Variants in APBB2 observed in about 807,000 individuals in gnomAD.
APBB2 encodes the protein Fe65-like 1.
APBB2 carries 38 observed loss-of-function variants against 82.5 expected under a neutral mutation model. That is an observed-to-expected ratio of 0.46 (90% CI 0.36 to 0.60). The LOEUF is 0.60. Ranked by LOEUF, APBB2 falls within the 20% of genes least tolerant of loss-of-function variation. The probability of loss-of-function intolerance (pLI) is 0.00; values close to 1 mark genes in which losing one functional copy is unlikely to be tolerated. For missense variants in APBB2, 772 were observed against 972.3 expected, an observed-to-expected ratio of 0.79 and a Z score of 2.74; for synonymous variants, 341 against 368.2, an observed-to-expected ratio of 0.93 and a Z score of 0.85.
chr4:41,206,805 G>A (rs1181112371), intron 1 of APBB2, among the ~76,000 whole-genome samples: 1 of 152,174 alleles, frequency 6.6e-6, no homozygotes, highest in East Asian at 1.9e-4. Context: ...CTAGCAAATT[G>A]TGATACTCAA....
At chr4:41,116,370 G>A (rs1418245678) in intron 2 of APBB2, among the ~76,000 whole-genome samples, 3 of 152,244 alleles carry the variant, frequency 2.0e-5, no homozygotes, top group Non-Finnish European at 4.4e-5. Context: ...TGTATATGGC[G>A]GGTTGATGGG....
At chr4:41,112,061 G>A (rs1445099433) in intron 2 of APBB2, among the ~76,000 whole-genome samples, 1 of 152,192 alleles carries the variant, frequency 6.6e-6, no homozygotes, top group East Asian at 1.9e-4. Context: ...GGGATGGGCT[G>A]AGTTCCACAG....
At chr4:40,978,364 T>G (rs1339764224) in intron 6 of APBB2, among the ~76,000 whole-genome samples, 1 of 152,210 alleles carries the variant, frequency 6.6e-6, no homozygotes, top group Non-Finnish European at 1.5e-5. Flanking sequence ...AGATTTGTAT[T>G]TGGTAACAGT....
chr4:40,905,224 G>T (rs1480217881), intron 10 of APBB2, among the ~76,000 whole-genome samples: 1 of 151,970 alleles, frequency 6.6e-6, no homozygotes, highest in East Asian at 1.9e-4. Context: ...ACCCACTAAT[G>T]GCTGGTCCCT....
At chr4:41,174,504 C>G (rs1477788992) in intron 1 of APBB2, among the ~76,000 whole-genome samples, 1 of 152,122 alleles carries the variant, frequency 6.6e-6, no homozygotes, top group Non-Finnish European at 1.5e-5. Flanking sequence ...TACCTGAGCA[C>G]AAGACTACTC....
At chr4:40,827,289 A>G in intron 13 of APBB2, 70 bp from the exon 14 acceptor site, 1 of 1,391,078 alleles carries the variant, frequency 7.2e-7, no homozygotes, top group Non-Finnish European at 1.0e-6. Context: ...TCCAGCCTGT[A>G]AAGTGTCTAG....
chr4:40,855,672 G>T (rs1760957157), intron 12 of APBB2, among the ~76,000 whole-genome samples: 1 of 151,972 alleles, frequency 6.6e-6, no homozygotes, highest in South Asian at 2.1e-4. Flanking sequence ...GGAGGCAGAG[G>T]TTGCAGTGAG....
intron 6 of APBB2, among the ~76,000 whole-genome samples, chr4:40,992,717 C>T (rs1055555844): frequency 6.6e-6 from 1 of 152,124 alleles, no homozygotes; most frequent in African/African-American, 2.4e-5. Flanking sequence ...GTATCACGAG[C>T]AGAAGACCGA....
At chr4:40,962,819 G>T (rs1793648104) in intron 6 of APBB2, among the ~76,000 whole-genome samples, 1 of 152,132 alleles carries the variant, frequency 6.6e-6, no homozygotes, top group Non-Finnish European at 1.5e-5. Context: ...GTCCTCCTTT[G>T]CTATGACATC....
intron 6 of APBB2, among the ~76,000 whole-genome samples, chr4:40,962,577 T>A (rs1001893854): frequency 1.3e-5 from 2 of 152,236 alleles, no homozygotes; most frequent in Non-Finnish European, 2.9e-5. Context: ...ACATGTCCCA[T>A]ACGTCATAGG....
At chr4:40,976,437 G>A (rs925032339) in intron 6 of APBB2, among the ~76,000 whole-genome samples, 1 of 152,102 alleles carries the variant, frequency 6.6e-6, no homozygotes, top group Non-Finnish European at 1.5e-5. Context: ...TGACACCAGG[G>A]GGCAGACATT....
intron 8 of APBB2, 90 bp downstream of exon 8, chr4:40,934,987 C>G: frequency 9.2e-7 from 1 of 1,088,958 alleles, no homozygotes. Flanking sequence ...CTGCAGAATG[C>G]ATGATATTCA....
chr4:41,163,937 G>A (rs1306563149), intron 1 of APBB2, among the ~76,000 whole-genome samples: 2 of 152,028 alleles, frequency 1.3e-5, no homozygotes, highest in African/African-American at 2.4e-5. Flanking sequence ...GTTCTCTAAC[G>A]TTTCAAAAAC....
intron 4 of APBB2, among the ~76,000 whole-genome samples, chr4:41,036,095 C>G (rs568523540): frequency 6.6e-6 from 1 of 152,232 alleles, no homozygotes; most frequent in South Asian, 2.1e-4. Flanking sequence ...GAGGTTAAGG[C>G]TGCAGTGAGC....
chr4:41,208,991 A>G (rs1778653545), intron 1 of APBB2, among the ~76,000 whole-genome samples: 1 of 152,180 alleles, frequency 6.6e-6, no homozygotes, highest in African/African-American at 2.4e-5. Context: ...GTAACTCTAC[A>G]CACAAAGAGC....
chr4:41,185,697 GA>G (rs1772712052), intron 1 of APBB2, among the ~76,000 whole-genome samples: 1 of 152,064 alleles, frequency 6.6e-6, no homozygotes, highest in African/African-American at 2.4e-5. Flanking sequence ...TCTGGAAAGT[GA>G]TTTAAAATAG....
At chr4:40,869,681 G>T (rs1764939117) in intron 12 of APBB2, among the ~76,000 whole-genome samples, 1 of 151,382 alleles carries the variant, frequency 6.6e-6, no homozygotes, top group Non-Finnish European at 1.5e-5. Context: ...GATTCTGAAG[G>T]CAGACAAGGA....
chr4:41,164,710 T>G (rs1766043507), intron 1 of APBB2, among the ~76,000 whole-genome samples: 1 of 152,246 alleles, frequency 6.6e-6, no homozygotes, highest in Non-Finnish European at 1.5e-5. Flanking sequence ...AGCTAGTTTA[T>G]CCTCTGGACT....
intron 6 of APBB2, among the ~76,000 whole-genome samples, chr4:41,000,428 T>G (rs954204674): frequency 4.6e-5 from 7 of 152,124 alleles, no homozygotes; most frequent in African/African-American, 1.7e-4. Context: ...GGGCTATATG[T>G]GACAATCTTA....
Sources: gnomAD v4.1 joint callset for allele counts (sites outside exome capture counted in the v4.1 genomes callset) on GRCh38, gnomAD v4.1.1 for gene constraint, MANE v1.5 for transcripts, NCBI Gene and HGNC (gene_info 2026-07-23, HGNC 2026-07-21) for gene names.